The following LHFPL3 variants were observed in gnomAD, a reference collection of about 807,000 sequenced individuals.
LHFPL3 encodes LHFPL tetraspan subfamily member 3 protein.
A neutral mutation model predicts 19.3 loss-of-function variants in LHFPL3; 5 were observed. That is an observed-to-expected ratio of 0.26 (90% CI 0.14 to 0.54). LHFPL3 has a LOEUF of 0.54. Among genes scored for constraint, LHFPL3 ranks in the 20% least tolerant of loss-of-function variants. LHFPL3 has a pLI of 0.94. For missense variants in LHFPL3, 249 were observed against 307.4 expected (o/e 0.81, Z 1.42); for synonymous variants, 133 against 126.2 (o/e 1.05, Z -0.36).
intron 1 of LHFPL3, among the ~76,000 whole-genome samples, chr7:104,621,064 C>CA (rs1791438239): frequency 6.6e-6 from 1 of 152,188 alleles, no homozygotes; most frequent in East Asian, 1.9e-4. Flanking sequence ...ATACCTGGGG[C>CA]AAAATGAGAA....
intron 1 of LHFPL3, among the ~76,000 whole-genome samples, chr7:104,684,106 A>G (rs1792763474): frequency 6.6e-6 from 1 of 152,146 alleles, no homozygotes; most frequent in African/African-American, 2.4e-5. Flanking sequence ...TTTGCTTTCC[A>G]TCAATTTCTT....
At chr7:104,695,369 T>G (rs1272246528) in intron 1 of LHFPL3, among the ~76,000 whole-genome samples, 1 of 152,232 alleles carries the variant, frequency 6.6e-6, no homozygotes, top group African/African-American at 2.4e-5. Flanking sequence ...TATGAGTGAT[T>G]ACAATAAGAA....
chr7:104,493,716 T>C (rs1000081321), intron 1 of LHFPL3, among the ~76,000 whole-genome samples: 30 of 152,138 alleles, frequency 2.0e-4, no homozygotes, highest in African/African-American at 7.2e-4. Flanking sequence ...GTCTTTTTTT[T>C]TTTGCTTTGT....
intron 2 of LHFPL3, among the ~76,000 whole-genome samples, chr7:104,834,693 T>C (rs1791057677): frequency 6.6e-6 from 1 of 151,956 alleles, no homozygotes; most frequent in Non-Finnish European, 1.5e-5. Context: ...TATTGACTTG[T>C]CAATTAAACA....
At chr7:104,511,035 T>A (rs2115769338) in intron 1 of LHFPL3, among the ~76,000 whole-genome samples, 1 of 152,138 alleles carries the variant, frequency 6.6e-6, no homozygotes, top group African/African-American at 2.4e-5. Context: ...CCTGCACTTG[T>A]ACTCCTGAAC....
intron 1 of LHFPL3, among the ~76,000 whole-genome samples, chr7:104,534,421 C>T (rs746849168): frequency 1.3e-5 from 2 of 152,200 alleles, no homozygotes; most frequent in African/African-American, 4.8e-5. Context: ...ACTTCCATCT[C>T]GGCTCCTGCT....
At chr7:104,551,885 A>G (rs1245919858) in intron 1 of LHFPL3, among the ~76,000 whole-genome samples, 1 of 152,148 alleles carries the variant, frequency 6.6e-6, no homozygotes, top group Non-Finnish European at 1.5e-5. Flanking sequence ...AGCAACTTGG[A>G]CATCTGGTCA....
intron 2 of LHFPL3, among the ~76,000 whole-genome samples, chr7:104,816,020 C>A (rs187695237): frequency 6.6e-6 from 1 of 152,180 alleles, no homozygotes; most frequent in Non-Finnish European, 1.5e-5. Context: ...CCCCTTGGCA[C>A]AATGAGAATT....
chr7:104,477,073 C>T (rs1046152491), intron 1 of LHFPL3, among the ~76,000 whole-genome samples: 13 of 152,040 alleles, frequency 8.6e-5, no homozygotes, highest in African/African-American at 3.1e-4. Flanking sequence ...TCACTGAAGC[C>T]TCCAACTCCA....
chr7:104,851,323 CTG>C (rs1791411233), intron 2 of LHFPL3, among the ~76,000 whole-genome samples: 1 of 152,152 alleles, frequency 6.6e-6, no homozygotes, highest in Non-Finnish European at 1.5e-5. Flanking sequence ...TCTTGGGAGT[CTG>C]AGTCTCTGGG....
chr7:104,746,020 A>C (rs1016636075), intron 2 of LHFPL3, among the ~76,000 whole-genome samples: 1 of 152,174 alleles, frequency 6.6e-6, no homozygotes, highest in Non-Finnish European at 1.5e-5. Flanking sequence ...GAGATTTAAA[A>C]GGATTCCAGG....
At position 104,365,801 on chromosome 7, in the gene LHFPL3, A is replaced by AAAAAAAAGAAAG. The variant is rs893610992; in HGVS notation, c.445+36581_445+36582insAAAGAAAGAAAA. 3.5e-5 allele frequency among the ~76,000 whole-genome samples: 5 copies of AAAAAAAAGAAAG among 142,258 alleles called. 1 individual carries two copies. Among genetic ancestry groups the AAAAAAAAGAAAG allele is most frequent in the Non-Finnish European group, 7.7e-5 (5 of 64,762 alleles). 93.3% of individuals were successfully genotyped at this position (142,258 alleles called of 152,430 possible). A position where few individuals can be genotyped will look rare whatever the true frequency, so the allele number is the denominator to read the frequency against. ...AGACTCCGTCTCAAAAAAAAAAAAA[A>AAAAAAAAGAAAG]AAAAGAAAAGCCTCTTTCCAGCTAG... On this transcript the variant is annotated intron_variant, in intron 1 of 2. Transcript: ENST00000424859.
intron 2 of LHFPL3, among the ~76,000 whole-genome samples, chr7:104,827,227 C>T (rs1197411583): frequency 1.3e-5 from 2 of 151,988 alleles, no homozygotes; most frequent in African/African-American, 4.8e-5. Context: ...GGTACCTCTT[C>T]GGTCAGAGCT....
chr7:104,332,363 A>G (rs1801586506), intron 1 of LHFPL3, among the ~76,000 whole-genome samples: 1 of 149,950 alleles, frequency 6.7e-6, no homozygotes. Context: ...TTGAGTAGCT[A>G]GGGCTACAGG....
At chr7:104,446,671 G>C (rs1184697493) in intron 1 of LHFPL3, among the ~76,000 whole-genome samples, 5 of 152,130 alleles carry the variant, frequency 3.3e-5, no homozygotes, top group African/African-American at 1.2e-4. Context: ...TACCTCCGGG[G>C]TTCAAGTGAT....
intron 1 of LHFPL3, among the ~76,000 whole-genome samples, chr7:104,339,153 T>C (rs1789898925): frequency 6.6e-6 from 1 of 151,886 alleles, no homozygotes; most frequent in African/African-American, 2.4e-5. Context: ...GAGGCCGAGA[T>C]AGGAGAATCA....
intron 2 of LHFPL3, among the ~76,000 whole-genome samples, chr7:104,768,164 A>G (rs1794492258): frequency 6.6e-6 from 1 of 150,480 alleles, no homozygotes; most frequent in Admixed American, 6.6e-5. Context: ...AAAAGCAAGA[A>G]CATTGCCTCT....
chr7:104,871,126 CA>C (rs935964887), intron 2 of LHFPL3, among the ~76,000 whole-genome samples: 2 of 152,182 alleles, frequency 1.3e-5, no homozygotes, highest in Non-Finnish European at 2.9e-5. Context: ...TAGGAGATTT[CA>C]TCGTTGTGTG....
chr7:104,463,528 A>T (rs1362252004), intron 1 of LHFPL3, among the ~76,000 whole-genome samples: 1 of 152,214 alleles, frequency 6.6e-6, no homozygotes, highest in East Asian at 1.9e-4. Context: ...AGACTGGGTA[A>T]CTTATAAAGG....
Sources: allele counts gnomAD v4.1 joint callset (sites outside exome capture counted in the v4.1 genomes callset), GRCh38; gene constraint gnomAD v4.1.1; transcripts MANE v1.5; gene names NCBI Gene and HGNC (gene_info 2026-07-23, HGNC 2026-07-21).